RBM27: variants seen among roughly 807,000 people sequenced by gnomAD.
The protein encoded by RBM27 is RNA binding motif protein 27.
RBM27 carries 22 observed loss-of-function variants against 135.3 expected under a neutral mutation model. The observed-to-expected ratio is 0.16, with a 90% CI of 0.12 to 0.23. The LOEUF (loss-of-function observed/expected upper bound fraction) is 0.23. RBM27 is among the 10% of genes least tolerant of loss of function. The pLI is 1.00. For missense variants in RBM27, 1,009 were observed against 1,281.0 expected (o/e 0.79, Z 3.24); for synonymous variants, 481 against 442.4 (o/e 1.09, Z -1.10).
chr5:146,250,770 C>CTTTTTTTTTTTTT (rs58027855), intron 8 of RBM27, among the ~76,000 whole-genome samples: 8 of 72,650 alleles, frequency 1.1e-4, no homozygotes, highest in East Asian at 4.6e-4. Context: ...TTTTTTTGTC[C>CTTTTTTTTTTTTT]TTTTTTTTTT....
intron 19 of RBM27, among the ~76,000 whole-genome samples, chr5:146,280,735 C>G (rs1759306611): frequency 6.6e-6 from 1 of 152,220 alleles, no homozygotes; most frequent in Non-Finnish European, 1.5e-5. Context: ...GACATACACA[C>G]AGTTGCCAGT....
intron 8 of RBM27, among the ~76,000 whole-genome samples, chr5:146,245,970 T>A (rs1311352344): frequency 6.6e-6 from 1 of 152,234 alleles, no homozygotes; most frequent in African/African-American, 2.4e-5. Context: ...TGATTCATGT[T>A]GTATTAGTTG....
chr5:146,278,746 C>T (rs754528380), intron 19 of RBM27, among the ~76,000 whole-genome samples: 4 of 148,314 alleles, frequency 2.7e-5, no homozygotes, highest in Non-Finnish European at 4.5e-5. Flanking sequence ...TTTTTTGAGA[C>T]GGAGTCTGGC....
chr5:146,281,249 TC>T (rs2126915831), intron 19 of RBM27, among the ~76,000 whole-genome samples: 1 of 152,324 alleles, frequency 6.6e-6, no homozygotes, highest in Admixed American at 6.5e-5. Context: ...TGTCTAGTGT[TC>T]CTAAGTGCAA....
At position 146,262,431 on chromosome 5, in the gene RBM27, G is replaced by A. The variant is rs144117293; in HGVS notation, c.2190+625G>A. Among the ~76,000 whole-genome samples, 110 of 152,180 alleles carry A rather than the reference G, an allele frequency of 7.2e-4. 1 individual carries two copies. Among genetic ancestry groups the A allele is most frequent in the African/African-American group, 2.6e-3 (106 of 41,520 alleles). On this transcript the variant is annotated intron_variant, in intron 13 of 20. Coordinates refer to ENST00000265271, the MANE Select transcript of RBM27 (RefSeq NM_018989.2). ...GCCTGTTGTGTCCATTCTATCCCTA[G>A]TGCCTAAAACAATGTCTGGTACATA...
chr5:146,288,590 G>A lies in RBM27; in HGVS notation c.*2560G>A, dbSNP rs1199599617. 2 of 151,996 alleles carry A rather than the reference G, an allele frequency of 1.3e-5. No individual in the cohort carries two copies. Among genetic ancestry groups the A allele is most frequent in the Non-Finnish European group, 2.9e-5 (2 of 67,922 alleles). The allele number at this position is 151,996 out of a possible 1,614,324, so 9.4% of individuals were successfully genotyped here. ...TTAAAAGTGAATAACTGCCATACAT[G>A]TTTTCTTGGCATCTTCATTTACAGA... On this transcript the variant is annotated 3_prime_UTR_variant, in exon 21 of 21. Transcript: ENST00000265271.
chr5:146,285,908 C>A, intron 20 of RBM27, 39 bp from the exon 21 acceptor site: 1 of 1,493,304 alleles, frequency 6.7e-7, no homozygotes, highest in Non-Finnish European at 9.3e-7. Flanking sequence ...ACTTACCATT[C>A]TTGTGCCACT....
chr5:146,242,846 AC>A (rs1203576945), intron 8 of RBM27, among the ~76,000 whole-genome samples: 1 of 151,554 alleles, frequency 6.6e-6, no homozygotes, highest in Non-Finnish European at 1.5e-5. Flanking sequence ...GATCCTTCCG[AC>A]TCAGCCTCCC....
chr5:146,220,588 A>C (rs1158456199), intron 2 of RBM27, among the ~76,000 whole-genome samples: 1 of 151,838 alleles, frequency 6.6e-6, no homozygotes, highest in Non-Finnish European at 1.5e-5. Flanking sequence ...TGATGAGAAG[A>C]TATCATTTAA....
chr5:146,235,702 C>T (rs905472774), intron 7 of RBM27, among the ~76,000 whole-genome samples: 4 of 150,960 alleles, frequency 2.6e-5, no homozygotes, highest in African/African-American at 9.8e-5. Context: ...CTTTTTGAGA[C>T]AAGATCTCAC....
rs188037187 is a variant in RBM27 at position 146,215,479 on chromosome 5, C to T, written c.60-3506C>T. 1.2e-3 allele frequency among the ~76,000 whole-genome samples: 185 copies of T among 152,288 alleles called. 2 individuals carry two copies. Among genetic ancestry groups the T allele is most frequent in the African/African-American group, 4.4e-3 (181 of 41,572 alleles). On this transcript the variant is annotated intron_variant, in intron 1 of 20. Transcript: ENST00000265271. Reference sequence around the variant, plus strand: ...CAGATCATTAGACTCCTTGAAGGTTCCTATAACGTCAGAGAAAATAACATT... The same window carrying T: ...CAGATCATTAGACTCCTTGAAGGTTTCTATAACGTCAGAGAAAATAACATT...
At chr5:146,278,823 G>T (rs1316900893) in intron 19 of RBM27, among the ~76,000 whole-genome samples, 1 of 151,492 alleles carries the variant, frequency 6.6e-6, no homozygotes, top group Non-Finnish European at 1.5e-5. Flanking sequence ...GCAGGTTCAT[G>T]CCATTCTCCT....
intron 1 of RBM27, among the ~76,000 whole-genome samples, chr5:146,210,557 A>G (rs1392857910): frequency 2.0e-5 from 3 of 152,168 alleles, no homozygotes; most frequent in Non-Finnish European, 4.4e-5. Flanking sequence ...GAGAGGACAC[A>G]GAAGGTACCA....
chr5:146,257,391 C>T (rs1758150325), intron 10 of RBM27, among the ~76,000 whole-genome samples: 1 of 152,196 alleles, frequency 6.6e-6, no homozygotes, highest in South Asian at 2.1e-4. Flanking sequence ...ATAGTATTGG[C>T]TTTGGATTTT....
chr5:146,211,902 T>C (rs1206622489), intron 1 of RBM27, among the ~76,000 whole-genome samples: 1 of 152,174 alleles, frequency 6.6e-6, no homozygotes, highest in Non-Finnish European at 1.5e-5. Flanking sequence ...AAGAAAATTA[T>C]TAGTATTTAT....
intron 8 of RBM27, among the ~76,000 whole-genome samples, chr5:146,242,109 TA>T (rs1433210785): frequency 6.7e-6 from 1 of 149,932 alleles, no homozygotes; most frequent in Admixed American, 6.7e-5. Context: ...ATCTTTTAAT[TA>T]AAAAAAAAAT....
chr5:146,252,009 G>A (rs2126821168), intron 9 of RBM27, 134 bp downstream of exon 9: 1 of 1,004,168 alleles, frequency 1.0e-6, no homozygotes. Context: ...TTTATTTTCT[G>A]CTCCTTTGCT....
chr5:146,274,690 T>C (rs1759019010), intron 19 of RBM27, among the ~76,000 whole-genome samples: 1 of 152,238 alleles, frequency 6.6e-6, no homozygotes. Context: ...CTCGATCTTT[T>C]TGGTCCCAGG....
chr5:146,251,721 G>A lies in RBM27; in HGVS notation c.1290G>A (p.Met430Ile), dbSNP rs753525975. The change falls in exon 9 of 21, where the codon ATG (methionine) becomes ATA (isoleucine). Residue 430 changes from methionine to isoleucine, a missense_variant. Transcript: ENST00000265271. ...LLYTVSERQP[M>I]YSREHGAAAS... ...TTCTTTCCTCTATAGGACAGCCCAT[G>A]TACTCTCGTGAACATGGTGCTGCTG... 3 of 1,610,244 alleles carry A rather than the reference G, an allele frequency of 1.9e-6. No individual in the cohort carries two copies. The highest frequency in any genetic ancestry group is 2.2e-5 in the South Asian group (2 of 91,018).
Sources: gnomAD v4.1 joint callset for allele counts (sites outside exome capture counted in the v4.1 genomes callset) on GRCh38, gnomAD v4.1.1 for gene constraint, MANE v1.5 for transcripts, NCBI Gene and HGNC (gene_info 2026-07-23, HGNC 2026-07-21) for gene names.